The following KLHDC4 variants were observed in gnomAD, a reference collection of about 807,000 sequenced individuals.
The protein encoded by KLHDC4 is kelch domain-containing protein 4.
A neutral mutation model predicts 62.4 loss-of-function variants in KLHDC4; 90 were observed. That is an observed-to-expected ratio of 1.44 (90% confidence interval 1.22 to 1.72). The LOEUF (loss-of-function observed/expected upper bound fraction) is 1.72. Ranked by LOEUF, KLHDC4 falls within the 40% of genes most tolerant of loss-of-function variation. The pLI is 0.00. For missense variants in KLHDC4, 1,025 were observed against 699.7 expected, an observed-to-expected ratio of 1.47 and a Z score of -5.25; for synonymous variants, 386 against 284.4, an observed-to-expected ratio of 1.36 and a Z score of -3.59.
chr16:87,764,521 T>A (rs1357546596), intron 1 of KLHDC4, among the ~76,000 whole-genome samples: 6 of 151,532 alleles, frequency 4.0e-5, no homozygotes, highest in African/African-American at 1.2e-4. Context: ...TGGTGGTGCA[T>A]GCCTGTAATC....
chr16:87,745,197 C>T (rs1252457488), intron 5 of KLHDC4, among the ~76,000 whole-genome samples: 2 of 152,160 alleles, frequency 1.3e-5, no homozygotes, highest in Non-Finnish European at 2.9e-5. Flanking sequence ...TCCACCCTCA[C>T]CCTACACCCA....
chr16:87,730,012 G>T (rs746364881), intron 6 of KLHDC4, among the ~76,000 whole-genome samples: 3 of 152,148 alleles, frequency 2.0e-5, no homozygotes, highest in Non-Finnish European at 4.4e-5. Context: ...GGAGTTCAGT[G>T]GCATGATCTC....
At chr16:87,753,422 G>C (rs1377075651) in intron 4 of KLHDC4, among the ~76,000 whole-genome samples, 1 of 140,792 alleles carries the variant, frequency 7.1e-6, no homozygotes, top group African/African-American at 2.6e-5. Context: ...GCCAGCCCTA[G>C]AGAGAGCGTC....
chr16:87,721,197 G>T (rs1227275171), intron 7 of KLHDC4, among the ~76,000 whole-genome samples: 4 of 152,150 alleles, frequency 2.6e-5, no homozygotes, highest in Non-Finnish European at 5.9e-5. Context: ...GAGACGGGCG[G>T]ATCACAAGGT....
chr16:87,709,508 G>T lies in KLHDC4; in HGVS notation c.1204C>A (p.Leu402Ile), dbSNP rs61735152. 6.2e-7 allele frequency: 1 copy of T among 1,612,158 alleles called. No individual in the cohort carries two copies. Among genetic ancestry groups the T allele is most frequent in the South Asian group, 1.1e-5 (1 of 91,074 alleles). ...DGTVVTIKQVLTAPGSAGQPR... is the reference protein window; with the variant it reads ...DGTVVTIKQVITAPGSAGQPR... ...TGCCCCGCCGAGCCTGGCGCGGTGA[G>T]CACCTGCTTAATGGTGACCACGGTG... Residue 402 changes from leucine to isoleucine, a missense_variant, in exon 10 of 12, where the codon CTC (leucine) becomes ATC (isoleucine). Transcript: ENST00000270583.
chr16:87,764,517 T>G (rs61207240), intron 1 of KLHDC4, among the ~76,000 whole-genome samples: 67 of 151,218 alleles, frequency 4.4e-4, no homozygotes, highest in African/African-American at 1.5e-3. Flanking sequence ...GGTGTGGTGG[T>G]GCATGCCTGT....
intron 9 of KLHDC4, chr16:87,710,517 G>A (rs1398623759): frequency 6.6e-6 from 1 of 152,274 alleles, no homozygotes; most frequent in East Asian, 1.9e-4. Context: ...ATCACAGTGT[G>A]AGAACCGTGA....
intron 4 of KLHDC4, chr16:87,750,219 G>A (rs937443567): frequency 3.3e-5 from 5 of 152,232 alleles, no homozygotes; most frequent in Admixed American, 1.3e-4. Context: ...CAAGCTCCAC[G>A]GGGTCTTTCC....
chr16:87,722,643 G>A (rs1597488177), intron 7 of KLHDC4, among the ~76,000 whole-genome samples: 1 of 152,374 alleles, frequency 6.6e-6, no homozygotes, highest in Non-Finnish European at 1.5e-5. Context: ...AACCAGCAGG[G>A]AGGATGGTGA....
intron 6 of KLHDC4, among the ~76,000 whole-genome samples, chr16:87,727,642 G>A (rs1364866550): frequency 6.6e-6 from 1 of 152,228 alleles, no homozygotes; most frequent in African/African-American, 2.4e-5. Flanking sequence ...GAGGCATGGG[G>A]AGACTCGGAG....
chr16:87,730,305 A>C (rs181665641), intron 6 of KLHDC4, among the ~76,000 whole-genome samples: 89 of 152,350 alleles, frequency 5.8e-4, no homozygotes, highest in Admixed American at 4.4e-3. Flanking sequence ...ACCTGGTGTA[A>C]AATTAAAATG....
chr16:87,765,853 C>T lies in KLHDC4; in HGVS notation c.38G>A (p.Gly13Asp), dbSNP rs866575960. Reference sequence around the variant, plus strand: ...CATCTTGGCGGCCGTCTTCTCCGCGCCGCGGCCCTTCTTCTCCTTCTTGCC... The same window carrying T: ...CATCTTGGCGGCCGTCTTCTCCGCGTCGCGGCCCTTCTTCTCCTTCTTGCC... ...KKGKKEKKGR[G>D]AEKTAAKMEK... Residue 13 changes from glycine to aspartate, a missense_variant, in exon 1 of 12, where the codon GGC becomes GAC. Gly to Asp is a moderately conservative substitution (Grantham distance 94). Coordinates refer to ENST00000270583, the MANE Select transcript of KLHDC4 (RefSeq NM_017566.4). The T allele has an allele frequency of 2.6e-6, 4 of 1,554,092 alleles. No individual in the cohort carries two copies. The African/African-American group carries it at 4.1e-5, about 16-fold the overall frequency.
At chr16:87,707,634 G>A (rs1020650700), downstream of KLHDC4, among the ~76,000 whole-genome samples, 2 of 152,190 alleles carry the variant, frequency 1.3e-5, no homozygotes, top group African/African-American at 4.8e-5. Context: ...GGCTCACAAA[G>A]CACAGCATAT....
At chr16:87,710,866 G>A (rs555590237) in intron 9 of KLHDC4, 17 of 212,500 alleles carry the variant, frequency 8.0e-5, no homozygotes, top group African/African-American at 2.3e-4. Context: ...CTATGCTCAC[G>A]TGGACAGTAA....
intron 5 of KLHDC4, chr16:87,731,048 T>C (rs1389588537): frequency 7.3e-5 from 1 of 13,764 alleles, no homozygotes; most frequent in Non-Finnish European, 1.3e-4. Context: ...ACAGAATTCT[T>C]TTTTTTTTTT....
At chr16:87,724,650 G>C (rs1272193181) in intron 7 of KLHDC4, among the ~76,000 whole-genome samples, 1 of 152,188 alleles carries the variant, frequency 6.6e-6, no homozygotes, top group African/African-American at 2.4e-5. Context: ...ATCCACCAGA[G>C]CAGCTAAAAA....
chr16:87,751,280 C>T (rs1317634276), intron 4 of KLHDC4, among the ~76,000 whole-genome samples: 2 of 152,114 alleles, frequency 1.3e-5, no homozygotes, highest in Admixed American at 6.5e-5. Flanking sequence ...TTGAGACCAG[C>T]CTGACCAACA....
At chr16:87,741,376 C>T (rs1351154293) in intron 5 of KLHDC4, among the ~76,000 whole-genome samples, 1 of 152,216 alleles carries the variant, frequency 6.6e-6, no homozygotes, top group Non-Finnish European at 1.5e-5. Context: ...CAGCAGGCAT[C>T]AAAGGCTGAG....
At chr16:87,734,246 A>T (rs965967234) in intron 5 of KLHDC4, among the ~76,000 whole-genome samples, 4 of 151,334 alleles carry the variant, frequency 2.6e-5, no homozygotes, top group Non-Finnish European at 1.5e-5. Flanking sequence ...CAGGAGGCTG[A>T]GGCAGGAGAA....
Sources: gnomAD v4.1 joint callset for allele counts (sites outside exome capture counted in the v4.1 genomes callset) on GRCh38, gnomAD v4.1.1 for gene constraint, MANE v1.5 for transcripts, NCBI Gene and HGNC (gene_info 2026-07-23, HGNC 2026-07-21) for gene names.